Variants in NCKAP5 observed in about 807,000 individuals in gnomAD.
NCKAP5 encodes the protein NCK associated protein 5.
In NCKAP5, 92 loss-of-function variants were observed where a neutral mutation model predicts 167.0. The ratio of observed to expected loss-of-function variants is 0.55; its 90% CI spans 0.47 to 0.66. The LOEUF is 0.66. Ranked by LOEUF, NCKAP5 falls within the 30% of genes least tolerant of loss-of-function variation. The pLI is 0.00. For missense variants in NCKAP5, 2,378 were observed against 2,315.0 expected (o/e 1.03, Z -0.56); for synonymous variants, 891 against 877.4 (o/e 1.02, Z -0.27).
chr2:133,206,276 T>C (rs758102117), intron 5 of NCKAP5, among the ~76,000 whole-genome samples: 7 of 152,178 alleles, frequency 4.6e-5, no homozygotes, highest in African/African-American at 7.2e-5. Flanking sequence ...ACTATGTGTG[T>C]TGCGGGAAGT....
At chr2:133,434,574 G>C (rs757450343) in intron 3 of NCKAP5, among the ~76,000 whole-genome samples, 1 of 152,190 alleles carries the variant, frequency 6.6e-6, no homozygotes, top group African/African-American at 2.4e-5. Context: ...CTATCTCATA[G>C]TGTTGTTGTA....
chr2:133,133,515 T>C (rs1351339552), intron 5 of NCKAP5, among the ~76,000 whole-genome samples: 2 of 152,204 alleles, frequency 1.3e-5, no homozygotes, highest in East Asian at 3.9e-4. Flanking sequence ...GCAGTGACAT[T>C]ACATACATGT....
chr2:133,636,868 A>G, the NCKAP5 span, among the ~76,000 whole-genome samples: 1 of 152,152 alleles, frequency 6.6e-6, no homozygotes, highest in African/African-American at 2.4e-5. Context: ...TAGATGCTCC[A>G]TGAAATAGTA....
chr2:132,866,211 G>A (rs531590162), intron 10 of NCKAP5, among the ~76,000 whole-genome samples: 23 of 152,264 alleles, frequency 1.5e-4, no homozygotes, highest in Admixed American at 7.8e-4. Flanking sequence ...CCTTTCTTCC[G>A]TGTTTTGTTT....
At chr2:133,114,715 A>G (rs571358097) in intron 6 of NCKAP5, among the ~76,000 whole-genome samples, 1 of 152,150 alleles carries the variant, frequency 6.6e-6, no homozygotes, top group South Asian at 2.1e-4. Context: ...GTTGAAAAAA[A>G]CAGGTCATTT....
intron 3 of NCKAP5, among the ~76,000 whole-genome samples, chr2:133,394,346 G>A (rs1687608413): frequency 1.3e-5 from 2 of 152,264 alleles, no homozygotes; most frequent in South Asian, 2.1e-4. Flanking sequence ...AGCATCTAGC[G>A]AGTCCCCTGT....
At chr2:133,070,670 C>G (rs988796082) in intron 6 of NCKAP5, among the ~76,000 whole-genome samples, 2 of 152,056 alleles carry the variant, frequency 1.3e-5, no homozygotes, top group African/African-American at 4.8e-5. Flanking sequence ...CCTCAGCAAC[C>G]AAGAAGTTAT....
At chr2:133,383,015 C>T (rs1440564310) in intron 3 of NCKAP5, among the ~76,000 whole-genome samples, 1 of 152,134 alleles carries the variant, frequency 6.6e-6, no homozygotes, top group Non-Finnish European at 1.5e-5. Flanking sequence ...TTATTATTCA[C>T]AGCTTCCAGG....
chr2:132,833,582 C>T (rs1344733366), intron 11 of NCKAP5, among the ~76,000 whole-genome samples: 1 of 152,146 alleles, frequency 6.6e-6, no homozygotes, highest in Non-Finnish European at 1.5e-5. Flanking sequence ...CTGCAAATGG[C>T]AATCCAATTT....
chr2:133,047,358 G>A (rs1266917782), intron 6 of NCKAP5, among the ~76,000 whole-genome samples: 1 of 152,158 alleles, frequency 6.6e-6, no homozygotes, highest in African/African-American at 2.4e-5. Context: ...TTCCTTGTGA[G>A]CTTTGAATAG....
chr2:133,113,348 T>C (rs1247929567), intron 6 of NCKAP5, among the ~76,000 whole-genome samples: 1 of 152,252 alleles, frequency 6.6e-6, no homozygotes, highest in Non-Finnish European at 1.5e-5. Context: ...TTCTATCAGC[T>C]AAACTGTTAT....
Position 132,784,044 on chromosome 2 carries a change from C to T in NCKAP5, c.2767G>A (p.Gly923Arg), listed in dbSNP as rs766361460. The T allele has an allele frequency of 3.9e-6, 6 of 1,537,560 alleles. No individual in the cohort carries two copies. The Admixed American group carries it at 1.1e-4, about 27-fold the overall frequency. The change falls in exon 14 of 20, where the codon GGG becomes AGG. Residue 923 changes from glycine to arginine, a missense_variant. This residue lies in a region of NCKAP5 where 1,325 missense variants were observed against 1,274.5 expected (regional missense o/e 1.04). Transcript: ENST00000409261. Reference sequence around the variant, plus strand: ...GGCGGAGGGGAAGGGGATTTCACCCCTGCCTCCGGCCCAGAGCCACAGTGT... The same window carrying T: ...GGCGGAGGGGAAGGGGATTTCACCCTTGCCTCCGGCCCAGAGCCACAGTGT... ...DEHCGSGPEA[G>R]VKSPSPPPPP... is the part of the protein sequence containing the mutation.
chr2:133,275,827 T>C (rs1430170), intron 4 of NCKAP5, among the ~76,000 whole-genome samples: 44,027 of 150,836 alleles, frequency 0.29, 6,662 homozygotes, highest in African/African-American at 0.35. Context: ...TTTAAATAGA[T>C]CACTACATAA....
intron 7 of NCKAP5, among the ~76,000 whole-genome samples, chr2:132,972,136 C>A (rs1009408410): frequency 6.6e-6 from 1 of 152,122 alleles, no homozygotes. Context: ...TAGGTGTAAC[C>A]AAACAAGCTG....
At chr2:132,746,704 C>T (rs904826218) in intron 16 of NCKAP5, among the ~76,000 whole-genome samples, 8 of 152,112 alleles carry the variant, frequency 5.3e-5, no homozygotes, top group South Asian at 2.1e-4. Context: ...TAGCCCCAAC[C>T]GGAAACTATC....
At chr2:132,712,417 C>T (rs1206749252) in intron 19 of NCKAP5, among the ~76,000 whole-genome samples, 2 of 152,010 alleles carry the variant, frequency 1.3e-5, no homozygotes, top group African/African-American at 4.8e-5. Flanking sequence ...TTTGGGAGGC[C>T]AAGGGGGGCG....
the NCKAP5 span, among the ~76,000 whole-genome samples, chr2:133,620,655 A>G: frequency 6.6e-6 from 1 of 152,126 alleles, no homozygotes; most frequent in African/African-American, 2.4e-5. Flanking sequence ...TAAGACAGAC[A>G]GCAATACAAT....
chr2:133,098,439 T>C (rs2081408344), intron 6 of NCKAP5, among the ~76,000 whole-genome samples: 1 of 152,210 alleles, frequency 6.6e-6, no homozygotes, highest in African/African-American at 2.4e-5. Context: ...ACCAAGAGAA[T>C]TAAAATTATT....
intron 4 of NCKAP5, among the ~76,000 whole-genome samples, chr2:133,223,550 C>A (rs1045681518): frequency 1.3e-5 from 2 of 152,198 alleles, no homozygotes; most frequent in Admixed American, 1.3e-4. Context: ...AATTACTCAT[C>A]CCCTCTGACA....
Sources: gnomAD v4.1 joint callset for allele counts (sites outside exome capture counted in the v4.1 genomes callset) on GRCh38, gnomAD v4.1.1 for gene constraint, gnomAD v4.1.1 regional missense constraint, MANE v1.5 for transcripts, NCBI Gene and HGNC (gene_info 2026-07-23, HGNC 2026-07-21) for gene names.